SYTL2: variants seen among roughly 807,000 people sequenced by gnomAD.
SYTL2 encodes synaptotagmin-like protein 2.
A neutral mutation model predicts 198.7 loss-of-function variants in SYTL2; 165 were observed. The ratio of observed to expected loss-of-function variants is 0.83; its 90% CI spans 0.73 to 0.94. The LOEUF is 0.94. SYTL2 is among the 40% of genes least tolerant of loss of function. The pLI is 0.00. For synonymous variants in SYTL2, 966 were observed against 917.7 expected, an observed-to-expected ratio of 1.05 and a Z score of -0.95; for missense variants, 2,835 against 2,582.8, an observed-to-expected ratio of 1.10 and a Z score of -2.12.
intron 1 of SYTL2, among the ~76,000 whole-genome samples, chr11:85,791,843 T>C (rs1033731520): frequency 1.3e-5 from 2 of 152,102 alleles, no homozygotes; most frequent in African/African-American, 4.8e-5. Flanking sequence ...AAAGAGCTGC[T>C]TGCTTTCTCA....
At chr11:85,754,039 TAAAAG>T (rs1296889299) in intron 2 of SYTL2, among the ~76,000 whole-genome samples, 2 of 152,162 alleles carry the variant, frequency 1.3e-5, no homozygotes, top group African/African-American at 4.8e-5. Context: ...CATTAGTATT[TAAAAG>T]AAAAGTCTGA....
At chr11:85,840,837 C>T in the SYTL2 span, among the ~76,000 whole-genome samples, 1 of 151,938 alleles carries the variant, frequency 6.6e-6, no homozygotes, top group African/African-American at 2.4e-5. Flanking sequence ...ACACCAAAAG[C>T]AATTGCAATA....
At chr11:85,819,171 G>GT in the SYTL2 span, among the ~76,000 whole-genome samples, 1 of 152,110 alleles carries the variant, frequency 6.6e-6, no homozygotes, top group Non-Finnish European at 1.5e-5. Flanking sequence ...TAAAATACTA[G>GT]TAGCTTTTCT....
At position 85,734,741 on chromosome 11, in the gene SYTL2, A is replaced by G. The variant is rs1300357728; in HGVS notation, c.588T>C (p.Asp196=). 1 of 1,608,226 alleles carries G rather than the reference A, an allele frequency of 6.2e-7. No individual in the cohort carries two copies. Among genetic ancestry groups the G allele is most frequent in the Non-Finnish European group, 8.5e-7 (1 of 1,177,368 alleles). Residue 196 remains aspartate (D), a splice_region_variant and synonymous_variant, in exon 7 of 20, where the codon GAT becomes GAC. Transcript: ENST00000359152. The part of the protein sequence containing the change: ...RTGLFQTSKE[D]ELSESKEKST... ...ACTTTTCTTTTGACTCTGACAATTC[A>G]TCTGAAAATTAAAACACAGTAGGTG...
intron 1 of SYTL2, among the ~76,000 whole-genome samples, chr11:85,788,547 A>G (rs568450755): frequency 6.6e-6 from 1 of 152,298 alleles, no homozygotes; most frequent in African/African-American, 2.4e-5. Flanking sequence ...AAACTTGCCA[A>G]AGTAATCACA....
intron 1 of SYTL2, among the ~76,000 whole-genome samples, chr11:85,805,332 A>G (rs1417283342): frequency 6.6e-6 from 1 of 151,950 alleles, no homozygotes; most frequent in East Asian, 1.9e-4. Flanking sequence ...CTCTACAAAA[A>G]AAAAAAAACA....
chr11:85,727,411 A>G lies in SYTL2; in HGVS notation c.1947T>C (p.Tyr649=), dbSNP rs1425482811. The change falls in exon 8 of 20, where the codon TAT becomes TAC. Residue 649 remains tyrosine, a synonymous_variant. Transcript: ENST00000359152. ...TPSQGSKNMD[Y]SQDSKSPGKG... ...TTCCTGGGCTTTTTGAATCTTGGCT[A>G]TAGTCCATATTTTTACTCCCTTGAC... 5.2e-6 allele frequency: 8 copies of G among 1,536,280 alleles called. No individual in the cohort carries two copies. Among genetic ancestry groups the G allele is most frequent in the Non-Finnish European group, 6.1e-6 (7 of 1,146,912 alleles).
Position 85,707,525 on chromosome 11 carries a change from T to C in SYTL2, c.5922A>G (p.Val1974=). The change falls in exon 15 of 20, where the codon GTA becomes GTG. Residue 1974 remains valine, a synonymous_variant. Transcript: ENST00000359152. The part of the protein sequence containing the change: ...DVKKQRSDPY[V]KAYLLPDKGK... ...CTTTGTCTGGTAGCAAATAGGCCTT[T>C]ACATATCTGAAAAGGAGAATTGAAC... 6.2e-7 allele frequency: 1 copy of C among 1,600,204 alleles called. No homozygotes were observed. Among genetic ancestry groups the C allele is most frequent in the Non-Finnish European group, 8.5e-7 (1 of 1,170,670 alleles).
At chr11:85,784,683 T>G (rs868732403) in intron 1 of SYTL2, among the ~76,000 whole-genome samples, 1 of 152,166 alleles carries the variant, frequency 6.6e-6, no homozygotes, top group Admixed American at 6.5e-5. Context: ...AATGATATCA[T>G]CATGCAGCTT....
chr11:85,724,675 C>A lies in SYTL2; in HGVS notation c.4683G>T (p.Glu1561Asp), dbSNP rs148987893. ...TCTCAAAACCAGCATCAAAAGCACT[C>A]TCAGTTATTAACGGAGCCTCGGCCT... ...VEKAEAPLIT[E>D]SAFDAGFEKL... The change falls in exon 8 of 20, where the codon GAG (glutamate) becomes GAT (aspartate). Residue 1561 changes from glutamate (E) to aspartate (D), a missense_variant. Physicochemically the swap from Glu to Asp is conservative, Grantham distance 45 (BLOSUM62 2). This residue lies in a region of SYTL2 where 2,645 missense variants were observed against 2,381.7 expected (regional missense o/e 1.11). Coordinates refer to ENST00000359152, the MANE Select transcript of SYTL2 (RefSeq NM_206927.4). The A allele has an allele frequency of 1.4e-4, 222 of 1,614,024 alleles. 2 individuals carry two copies. The Middle Eastern group carries it at 3.1e-3, about 23-fold the overall frequency.
chr11:85,832,040 G>A, the SYTL2 span, among the ~76,000 whole-genome samples: 1 of 152,260 alleles, frequency 6.6e-6, no homozygotes, highest in East Asian at 1.9e-4. Context: ...GACTCATCAA[G>A]GGCTGAAAGT....
At chr11:85,708,387 A>C (rs1212697877) in intron 14 of SYTL2, among the ~76,000 whole-genome samples, 1 of 152,168 alleles carries the variant, frequency 6.6e-6, no homozygotes, top group Non-Finnish European at 1.5e-5. Context: ...TAAAAGAAAA[A>C]AGGATTGCAC....
At chr11:85,708,780 T>G (rs1327278438) in intron 14 of SYTL2, among the ~76,000 whole-genome samples, 1 of 150,986 alleles carries the variant, frequency 6.6e-6, no homozygotes, top group Non-Finnish European at 1.5e-5. Flanking sequence ...ATGAAGGAAC[T>G]GAACAAGATG....
intron 2 of SYTL2, among the ~76,000 whole-genome samples, chr11:85,756,542 T>G (rs1591929624): frequency 6.6e-6 from 1 of 152,184 alleles, no homozygotes; most frequent in Non-Finnish European, 1.5e-5. Context: ...GCGAGTCACC[T>G]GACTTGTCTC....
chr11:85,716,949 T>C (rs2087385423), intron 11 of SYTL2: 1 of 152,376 alleles, frequency 6.6e-6, no homozygotes, highest in Non-Finnish European at 1.5e-5. Context: ...TGGTTTATAC[T>C]TAGAACATTT....
At chr11:85,774,356 A>G (rs1385127489) in intron 1 of SYTL2, among the ~76,000 whole-genome samples, 14 of 152,230 alleles carry the variant, frequency 9.2e-5, no homozygotes, top group Admixed American at 8.5e-4. Context: ...AAGGGACTTC[A>G]TTAAATTCAA....
intron 1 of SYTL2, among the ~76,000 whole-genome samples, chr11:85,776,238 A>G (rs1408368273): frequency 1.3e-5 from 2 of 152,196 alleles, no homozygotes; most frequent in African/African-American, 4.8e-5. Flanking sequence ...CTTCCCAGCC[A>G]TCAGAATCAT....
chr11:85,724,355 TA>T lies in SYTL2; in HGVS notation c.5002del (p.Tyr1668MetfsTer6). The T allele has an allele frequency of 6.3e-7, 1 of 1,586,948 alleles. No individual in the cohort carries two copies. Among genetic ancestry groups the T allele is most frequent in the Non-Finnish European group, 8.6e-7 (1 of 1,169,250 alleles). On this transcript the variant is annotated frameshift_variant, in exon 8 of 20. Transcript: ENST00000359152. LOFTEE classifies it high-confidence loss of function. The part of the protein sequence containing the change: ...GVEIPRTPQL[Y>X]VAHEIGTIKT... ...AATGGTCCCTATTTCATGAGCCACA[TA>T]AAGTTGTGGGGTTCTAGGGATCTCA...
chr11:85,700,523 G>A lies in SYTL2; in HGVS notation c.6260C>T (p.Pro2087Leu). ...AGAAAGTCATTACATACCAGGGACT[G>A]GCTCTGGGACATACTGGAGAGCTAG... ...MKLALQYVPEPVPGKKLPTTG... is the reference protein window; with the variant it reads ...MKLALQYVPELVPGKKLPTTG... Residue 2087 changes from proline to leucine, a missense_variant, in exon 17 of 20, where the codon CCA becomes CTA. This residue lies in a region of SYTL2 where 185 missense variants were observed against 182.1 expected (regional missense o/e 1.02). Transcript: ENST00000359152. 2 of 1,612,510 alleles carry A rather than the reference G, an allele frequency of 1.2e-6. No homozygotes were observed. Among genetic ancestry groups the A allele is most frequent in the Non-Finnish European group, 1.7e-6 (2 of 1,178,572 alleles).
Sources: allele counts gnomAD v4.1 joint callset (sites outside exome capture counted in the v4.1 genomes callset), GRCh38; gene constraint gnomAD v4.1.1; regional missense constraint gnomAD v4.1.1; transcripts MANE v1.5; gene names NCBI Gene and HGNC (gene_info 2026-07-23, HGNC 2026-07-21).